CRISPLD1: variants seen among roughly 807,000 people sequenced by gnomAD.
CRISPLD1 encodes cysteine-rich secretory protein LCCL domain-containing 1.
CRISPLD1 carries 60 observed loss-of-function variants against 77.5 expected under a neutral mutation model. The observed-to-expected ratio is 0.77, with a 90% CI of 0.63 to 0.96. The LOEUF is 0.96. CRISPLD1 is among the 40% of genes least tolerant of loss of function. The probability of loss-of-function intolerance (pLI) is 0.00; values close to 1 mark genes in which losing one functional copy is unlikely to be tolerated. For missense variants in CRISPLD1, 623 were observed against 615.8 expected (o/e 1.01, Z -0.12); for synonymous variants, 195 against 200.1 (o/e 0.97, Z 0.22).
intron 2 of CRISPLD1, chr8:75,000,086 A>C (rs1429017771): frequency 1.1e-6 from 1 of 951,924 alleles, no homozygotes; most frequent in East Asian, 1.2e-4. Flanking sequence ...AGGAGTGAAC[A>C]TGGGAGTTAC....
At chr8:75,009,459 C>T (rs1263754887) in intron 2 of CRISPLD1, among the ~76,000 whole-genome samples, 1 of 152,060 alleles carries the variant, frequency 6.6e-6, no homozygotes, top group Non-Finnish European at 1.5e-5. Flanking sequence ...TTCAACTCCA[C>T]CTTTGGTGGA....
rs1813389441 is a variant in CRISPLD1, at chr8:75,033,476, G to T, written c.*1234G>T. On this transcript the variant is annotated 3_prime_UTR_variant, in exon 15 of 15. Transcript: ENST00000262207. ...TATTTAGGTATTTGTATGTGAAAGAGAAACACATATTTAGAAACACAGCAA... is the reference window on the plus strand; with the variant it reads ...TATTTAGGTATTTGTATGTGAAAGATAAACACATATTTAGAAACACAGCAA... The T allele has an allele frequency of 6.6e-6, 1 of 151,758 alleles. No individual in the cohort carries two copies. Among genetic ancestry groups the T allele is most frequent in the Non-Finnish European group, 1.5e-5 (1 of 67,824 alleles). The allele number at this position is 151,758 out of a possible 1,614,324, so 9.4% of individuals were successfully genotyped here. A position where few individuals can be genotyped will look rare whatever the true frequency, so the allele number is the denominator to read the frequency against.
Position 75,025,930 on chromosome 8 carries a change from G to GT in CRISPLD1, c.1320+310dup, listed in dbSNP as rs1813227208. Among the ~76,000 whole-genome samples, 5 of 152,224 alleles carry GT rather than the reference G, an allele frequency of 3.3e-5. No individual in the cohort carries two copies. The South Asian group carries it at 1.0e-3, about 32-fold the overall frequency. On this transcript the variant is annotated intron_variant, in intron 13 of 14. Transcript: ENST00000262207. ...GTTTTGTTTTTCTTTTGATTCTTTA[G>GT]TATTTGAAGTCTGAACTGGATAATT... is the stretch of plus-strand genomic sequence containing the variant.
At position 75,021,955 on chromosome 8, in the gene CRISPLD1, A is replaced by G. The variant is rs960225206; in HGVS notation, c.1244+1876A>G. The stretch of plus-strand genomic sequence containing the variant: ...ATAATAAGGAGGGTCTCTGTAGAGC[A>G]TTCTAACATAAAGGCTCTCACTAGT... On this transcript the variant is annotated intron_variant, in intron 12 of 14. Transcript: ENST00000262207. 3.9e-5 allele frequency among the ~76,000 whole-genome samples: 6 copies of G among 152,188 alleles called. No individual in the cohort carries two copies. In the East Asian group the frequency reaches 1.2e-3, roughly 29 times the overall value.
rs34737814 is a variant in CRISPLD1, at chr8:75,030,680, ATGTG to A, written c.1451+1187_1451+1190del. ...ATGTCAGGCCTATACCCGGAGATAT[ATGTG>A]TGTGTGTGTGTGTGTGTGTGTGTAT... On this transcript the variant is annotated intron_variant, in intron 14 of 14. Transcript: ENST00000262207. Among the ~76,000 whole-genome samples the A allele has an allele frequency of 6.0e-3, 874 of 146,532 alleles. 8 individuals carry two copies. The highest frequency in any genetic ancestry group is 0.017 in the Middle Eastern group (5 of 288).
At chr8:75,031,129 G>A (rs2128789749) in intron 14 of CRISPLD1, among the ~76,000 whole-genome samples, 1 of 152,012 alleles carries the variant, frequency 6.6e-6, no homozygotes, top group Middle Eastern at 3.4e-3. Context: ...AAATAAAATG[G>A]CTTTGGATTG....
chr8:75,015,023 T>C (rs1477009538), intron 6 of CRISPLD1, 111 bp downstream of exon 6: 2 of 508,600 alleles, frequency 3.9e-6, no homozygotes, highest in African/African-American at 4.0e-5. Flanking sequence ...ACGAAAAGTA[T>C]CTAGAACTCT....
intron 2 of CRISPLD1, among the ~76,000 whole-genome samples, chr8:74,996,588 C>T (rs1316553073): frequency 6.7e-6 from 1 of 150,364 alleles, no homozygotes; most frequent in Non-Finnish European, 1.5e-5. Context: ...ATACTAGGCA[C>T]AAAGTCTTTA....
chr8:75,001,606 T>C (rs927814523), intron 2 of CRISPLD1, among the ~76,000 whole-genome samples: 6 of 152,166 alleles, frequency 3.9e-5, no homozygotes, highest in Non-Finnish European at 8.8e-5. Context: ...GTTACCGTCA[T>C]TGTGTGGAAG....
Position 75,012,995 on chromosome 8 carries a change from T to C in CRISPLD1, c.483T>C (p.Ser161=). 1.2e-6 allele frequency: 2 copies of C among 1,612,312 alleles called. No homozygotes were observed. Among genetic ancestry groups the C allele is most frequent in the Non-Finnish European group, 8.5e-7 (1 of 1,178,902 alleles). Residue 161 remains serine, a synonymous_variant, in exon 4 of 15, where the codon TCT becomes TCC. Transcript: ENST00000262207. The stretch of plus-strand genomic sequence containing the variant: ...ACCCATATTGTCCATTCAGGTGTTC[T>C]GGCCCTGTATGTACACATTATACAC... ...ECNPYCPFRC[S]GPVCTHYTQV...
intron 13 of CRISPLD1, among the ~76,000 whole-genome samples, chr8:75,026,245 G>A (rs1231758526): frequency 6.6e-6 from 1 of 152,060 alleles, no homozygotes; most frequent in Non-Finnish European, 1.5e-5. Flanking sequence ...ACCATGCCTG[G>A]CTCTTTTTCT....
intron 12 of CRISPLD1, 93 bp from the exon 13 acceptor site, chr8:75,025,452 CT>C: frequency 2.6e-6 from 1 of 391,178 alleles, no homozygotes. Context: ...GAATGTTGAG[CT>C]TACTTTGTGT....
rs373804049 is a variant in CRISPLD1, at chr8:75,012,340, G to T, written c.259-93G>T. On this transcript the variant is annotated intron_variant, in intron 2 of 14. Coordinates refer to ENST00000262207, the MANE Select transcript of CRISPLD1 (RefSeq NM_031461.6). The stretch of plus-strand genomic sequence containing the variant: ...CTATGATGTTGACTTTGTAAAGAAA[G>T]AAAGAAGAAAATGTAAGAACTGCTC... 91 of 758,608 alleles carry T rather than the reference G, an allele frequency of 1.2e-4. No homozygotes were observed. The South Asian group carries it at 1.4e-3, about 12-fold the overall frequency. The allele number at this position is 758,608 out of a possible 1,614,324, so 47.0% of individuals were successfully genotyped here.
chr8:74,986,177 A>G lies in CRISPLD1; in HGVS notation c.190A>G (p.Ser64Gly), dbSNP rs374697726. The G allele has an allele frequency of 1.2e-6, 2 of 1,614,144 alleles. No individual in the cohort carries two copies. Among genetic ancestry groups the G allele is most frequent in the Non-Finnish European group, 1.7e-6 (2 of 1,179,976 alleles). ...KRAITDNDMQ[S>G]ILDLHNKLRS... The stretch of plus-strand genomic sequence containing the variant: ...GGCCATCACAGACAATGACATGCAG[A>G]GTATTTTGGACCTTCATAATAAATT... Residue 64 changes from serine to glycine, a missense_variant, in exon 2 of 15, where the codon AGT becomes GGT. Transcript: ENST00000262207.
chr8:75,014,792 G>T lies in CRISPLD1; in HGVS notation c.627-20G>T. 2 of 1,546,026 alleles carry T rather than the reference G, an allele frequency of 1.3e-6. No individual in the cohort carries two copies. Among genetic ancestry groups the T allele is most frequent in the South Asian group, 1.1e-5 (1 of 88,338 alleles). On this transcript the variant is annotated intron_variant, in intron 5 of 14. Transcript: ENST00000262207. ...TATGCCATTAGACTACTTTTTAATA[G>T]AGCGTATCATCTCTTAAAGGGGAAA... is the stretch of plus-strand genomic sequence containing the variant.
chr8:74,987,196 G>T (rs966370415), intron 2 of CRISPLD1, among the ~76,000 whole-genome samples: 1 of 151,860 alleles, frequency 6.6e-6, no homozygotes, highest in Admixed American at 6.6e-5. Flanking sequence ...AGTTCCTATT[G>T]CCCGTTATAA....
intron 12 of CRISPLD1, among the ~76,000 whole-genome samples, chr8:75,023,511 G>A (rs2128787872): frequency 6.6e-6 from 1 of 152,162 alleles, no homozygotes; most frequent in South Asian, 2.1e-4. Flanking sequence ...GTTATGTGAA[G>A]TATATACACT....
At chr8:75,004,169 A>G (rs776573616) in intron 2 of CRISPLD1, among the ~76,000 whole-genome samples, 2 of 152,138 alleles carry the variant, frequency 1.3e-5, no homozygotes, top group Non-Finnish European at 2.9e-5. Flanking sequence ...CCTTAAGGTA[A>G]TGCTTCTTTC....
intron 2 of CRISPLD1, among the ~76,000 whole-genome samples, chr8:74,994,390 C>T (rs1352624031): frequency 6.6e-6 from 1 of 152,192 alleles, no homozygotes; most frequent in African/African-American, 2.4e-5. Context: ...AGATCTAAAT[C>T]CATCCAAGCC....
Sources: gnomAD v4.1 joint callset for allele counts (sites outside exome capture counted in the v4.1 genomes callset) on GRCh38, gnomAD v4.1.1 for gene constraint, MANE v1.5 for transcripts, NCBI Gene and HGNC (gene_info 2026-07-23, HGNC 2026-07-21) for gene names.